SLIT2: variants seen among roughly 807,000 people sequenced by gnomAD.
SLIT2 encodes the protein slit homolog 2 protein.
SLIT2 carries 41 observed loss-of-function variants against 185.7 expected under a neutral mutation model. The observed-to-expected ratio is 0.22, with a 90% confidence interval of 0.17 to 0.29. The LOEUF is 0.29. Among genes scored for constraint, SLIT2 ranks in the 10% least tolerant of loss-of-function variants. SLIT2 has a pLI of 1.00. For missense variants in SLIT2, 1,571 were observed against 1,909.0 expected, an observed-to-expected ratio of 0.82 and a Z score of 3.30; for synonymous variants, 693 against 680.2, an observed-to-expected ratio of 1.02 and a Z score of -0.29.
At position 20,472,250 on chromosome 4, in the gene SLIT2, A is replaced by ATATAGATATATATC. The variant is rs1715151803; in HGVS notation, c.467+4434_467+4435insATATATCTATAGAT. On this transcript the variant is annotated intron_variant, in intron 5 of 36. Transcript: ENST00000504154. ...TATATATATAGATCTATATATCTAT[A>ATATAGATATATATC]TATAGATCTATATATAGATATATAT... Among the ~76,000 whole-genome samples the ATATAGATATATATC allele has an allele frequency of 4.6e-5, 2 of 43,952 alleles. 1 individual carries two copies. The highest frequency in any genetic ancestry group is 1.9e-4 in the African/African-American group (2 of 10,508). 28.8% of individuals were successfully genotyped at this position (43,952 alleles called of 152,430 possible). A position where few individuals can be genotyped will look rare whatever the true frequency, so the allele number is the denominator to read the frequency against.
intron 26 of SLIT2, among the ~76,000 whole-genome samples, chr4:20,556,286 G>A (rs921125748): frequency 6.6e-6 from 1 of 151,908 alleles, no homozygotes; most frequent in Non-Finnish European, 1.5e-5. Flanking sequence ...AGGTGAAACT[G>A]GCATAAAACC....
intron 5 of SLIT2, among the ~76,000 whole-genome samples, chr4:20,473,308 T>A (rs1021395485): frequency 6.6e-6 from 1 of 152,018 alleles, no homozygotes; most frequent in East Asian, 1.9e-4. Context: ...TTAAAAAATA[T>A]GTTGGGGAAA....
rs1721982301 is a variant in SLIT2, at chr4:20,533,451, G to T, written c.1689-121G>T. 4 of 664,652 alleles carry T rather than the reference G, an allele frequency of 6.0e-6. No homozygotes were observed. In the Admixed American group the frequency reaches 1.1e-4, roughly 19 times the overall value. The allele number at this position is 664,652 out of a possible 1,614,324, so 41.2% of individuals were successfully genotyped here. ...GAAGTGGAATCTTTTCAGAGCCCTGGCAGTGCTGGGCAGTGAAAAGTTGGA... is the reference window on the plus strand; with the variant it reads ...GAAGTGGAATCTTTTCAGAGCCCTGTCAGTGCTGGGCAGTGAAAAGTTGGA... On this transcript the variant is annotated intron_variant, in intron 17 of 36. Transcript: ENST00000504154.
chr4:20,499,579 T>C (rs1020056827), intron 9 of SLIT2, among the ~76,000 whole-genome samples: 9 of 152,168 alleles, frequency 5.9e-5, no homozygotes, highest in African/African-American at 1.9e-4. Flanking sequence ...AAGGTCCGCC[T>C]CCTGGGTTCA....
chr4:20,271,753 C>A (rs555668831), intron 4 of SLIT2, among the ~76,000 whole-genome samples: 7 of 151,756 alleles, frequency 4.6e-5, no homozygotes, highest in Admixed American at 4.0e-4. Context: ...TTTGATTTTT[C>A]GCATTGTTTG....
At chr4:20,306,103 T>C (rs1717522325) in intron 4 of SLIT2, among the ~76,000 whole-genome samples, 2 of 151,716 alleles carry the variant, frequency 1.3e-5, no homozygotes, top group African/African-American at 4.8e-5. Context: ...ACAGGTAAAG[T>C]GGTAAAATTG....
At chr4:20,270,335 A>G (rs1713472200) in intron 4 of SLIT2, among the ~76,000 whole-genome samples, 1 of 151,994 alleles carries the variant, frequency 6.6e-6, no homozygotes, top group Non-Finnish European at 1.5e-5. Flanking sequence ...TTAAGGTGGT[A>G]TAATCCATTG....
intron 4 of SLIT2, among the ~76,000 whole-genome samples, chr4:20,349,114 A>G (rs1407599519): frequency 2.0e-5 from 3 of 152,188 alleles, no homozygotes; most frequent in Non-Finnish European, 4.4e-5. Flanking sequence ...TCTATTACAT[A>G]TAGGAATTCG....
At chr4:20,425,212 A>C (rs1390969227) in intron 4 of SLIT2, among the ~76,000 whole-genome samples, 1 of 152,144 alleles carries the variant, frequency 6.6e-6, no homozygotes, top group Non-Finnish European at 1.5e-5. Context: ...TTAAACAATA[A>C]GTTTTAATTT....
chr4:20,394,029 A>G (rs938274833), intron 4 of SLIT2, among the ~76,000 whole-genome samples: 1 of 152,012 alleles, frequency 6.6e-6, no homozygotes, highest in African/African-American at 2.4e-5. Context: ...GTGGTATTTT[A>G]TTATAATTAT....
rs1434837930 is a variant in SLIT2 at position 20,542,847 on chromosome 4, TGTGTGTGTGTGTGTGC to T, written c.2276+223_2276+238del. Among the ~76,000 whole-genome samples, 731 of 105,574 alleles carry T rather than the reference TGTGTGTGTGTGTGTGC, an allele frequency of 6.9e-3. 5 individuals are homozygous for T. Among genetic ancestry groups the T allele is most frequent in the African/African-American group, 0.021 (514 of 24,134 alleles). The allele number at this position is 105,574 out of a possible 152,430, so 69.3% of individuals were successfully genotyped here. A position where few individuals can be genotyped will look rare whatever the true frequency, so the allele number is the denominator to read the frequency against. Reference sequence around the variant, plus strand: ...GTGTGTGTGTGTGTGTGTGTGTGTGTGTGTGTGTGTGTGTGCGCTATAAGATTTCTCAGTGCCTTTA... The same window carrying T: ...GTGTGTGTGTGTGTGTGTGTGTGTGTGCTATAAGATTTCTCAGTGCCTTTA... On this transcript the variant is annotated intron_variant, in intron 21 of 36. Coordinates refer to ENST00000504154, the MANE Select transcript of SLIT2 (RefSeq NM_004787.4).
Position 20,273,847 on chromosome 4 carries a change from A to C in SLIT2, c.395+4966A>C, listed in dbSNP as rs569005472. ...GCCAGCTCTGATTAAAGTGTGGACTACTAGAGATGTCAGGTGCCATCGTTT... is the reference window on the plus strand; with the variant it reads ...GCCAGCTCTGATTAAAGTGTGGACTCCTAGAGATGTCAGGTGCCATCGTTT... On this transcript the variant is annotated intron_variant, in intron 4 of 36. Coordinates refer to ENST00000504154, the MANE Select transcript of SLIT2 (RefSeq NM_004787.4). Among the ~76,000 whole-genome samples, 8 of 152,292 alleles carry C rather than the reference A, an allele frequency of 5.3e-5. No individual in the cohort carries two copies. In the East Asian group the frequency reaches 1.2e-3, roughly 22 times the overall value.
chr4:20,344,623 C>A (rs1721232062), intron 4 of SLIT2, among the ~76,000 whole-genome samples: 1 of 152,144 alleles, frequency 6.6e-6, no homozygotes, highest in Non-Finnish European at 1.5e-5. Flanking sequence ...AGTCTTCACA[C>A]ATGATTTGTA....
intron 4 of SLIT2, among the ~76,000 whole-genome samples, chr4:20,413,157 T>C (rs1404814491): frequency 1.3e-5 from 2 of 152,074 alleles, no homozygotes; most frequent in Admixed American, 1.3e-4. Context: ...AGTGTTTTGC[T>C]TTCTCTGCTA....
At chr4:20,548,974 A>G in intron 23 of SLIT2, 83 bp from the exon 24 acceptor site, 1 of 764,130 alleles carries the variant, frequency 1.3e-6, no homozygotes, top group Admixed American at 2.0e-5. Context: ...ATGCTTTAAT[A>G]AGCCTTAACT....
Position 20,529,198 on chromosome 4 carries a change from C to T in SLIT2, c.1613+99C>T, listed in dbSNP as rs79580474. ...TTGCCATTTTTATTATTAATAATTG[C>T]ATTAATTTTAATTAATATGCATTAC... On this transcript the variant is annotated intron_variant, in intron 16 of 36. Transcript: ENST00000504154. The T allele has an allele frequency of 2.3e-3, 2,034 of 892,062 alleles. 65 individuals carry two copies. In the East Asian group the frequency reaches 0.05, roughly 22 times the overall value. 55.3% of individuals were successfully genotyped at this position (892,062 alleles called of 1,614,324 possible).
intron 24 of SLIT2, among the ~76,000 whole-genome samples, chr4:20,550,369 G>GA (rs148000485): frequency 0.26 from 39,536 of 150,428 alleles, 5,604 homozygotes; most frequent in Non-Finnish European, 0.32. Context: ...TATGCTTGCA[G>GA]GGGTTTTTTT....
intron 4 of SLIT2, among the ~76,000 whole-genome samples, chr4:20,280,502 G>A (rs1313030298): frequency 6.6e-6 from 1 of 152,086 alleles, no homozygotes; most frequent in African/African-American, 2.4e-5. Context: ...TCAGATAAGA[G>A]AGGGACCTTG....
At chr4:20,264,405 C>A (rs928418394) in intron 3 of SLIT2, among the ~76,000 whole-genome samples, 1 of 151,682 alleles carries the variant, frequency 6.6e-6, no homozygotes. Context: ...GCTAAAAACA[C>A]CTTATATTTA....
Sources: gnomAD v4.1 joint callset for allele counts (sites outside exome capture counted in the v4.1 genomes callset) on GRCh38, gnomAD v4.1.1 for gene constraint, MANE v1.5 for transcripts, NCBI Gene and HGNC (gene_info 2026-07-23, HGNC 2026-07-21) for gene names.